Variants in TRAPPC9 observed in about 807,000 individuals in gnomAD.
The protein encoded by TRAPPC9 is trafficking protein particle complex subunit 9.
A neutral mutation model predicts 124.0 loss-of-function variants in TRAPPC9; 83 were observed. That is an observed-to-expected ratio of 0.67 (90% CI 0.56 to 0.80). TRAPPC9 has a LOEUF of 0.80. Ranked by LOEUF, TRAPPC9 falls within the 30% of genes least tolerant of loss-of-function variation. The pLI, the probability that TRAPPC9 is intolerant of heterozygous loss-of-function variation, is 0.00. For missense variants in TRAPPC9, 1,302 were observed against 1,508.3 expected (o/e 0.86, Z 2.27); for synonymous variants, 638 against 617.5 (o/e 1.03, Z -0.49).
At chr8:139,809,834 A>G (rs1175917419) in intron 21 of TRAPPC9, among the ~76,000 whole-genome samples, 1 of 152,072 alleles carries the variant, frequency 6.6e-6, no homozygotes, top group African/African-American at 2.4e-5. Flanking sequence ...CAGATACCCC[A>G]CATGCCAGCC....
At chr8:139,957,902 C>T (rs990747795) in intron 19 of TRAPPC9, among the ~76,000 whole-genome samples, 10 of 152,358 alleles carry the variant, frequency 6.6e-5, no homozygotes, top group African/African-American at 2.2e-4. Flanking sequence ...AAACTGACGT[C>T]GTTTCTGTTC....
chr8:140,419,660 G>T (rs2070125627), intron 5 of TRAPPC9, among the ~76,000 whole-genome samples: 1 of 151,128 alleles, frequency 6.6e-6, no homozygotes, highest in African/African-American at 2.4e-5. Context: ...CCGAGGCAAG[G>T]AGATCACGAG....
chr8:140,254,702 C>T (rs933519104), intron 15 of TRAPPC9, among the ~76,000 whole-genome samples: 1 of 152,226 alleles, frequency 6.6e-6, no homozygotes, highest in Admixed American at 6.5e-5. Context: ...CCCACTATCC[C>T]CTTTCTGGGA....
At chr8:140,242,886 G>A (rs944991286) in intron 16 of TRAPPC9, among the ~76,000 whole-genome samples, 4 of 152,170 alleles carry the variant, frequency 2.6e-5, no homozygotes, top group South Asian at 2.1e-4. Context: ...TGGCAACCAC[G>A]GAGGGGGAGG....
intron 18 of TRAPPC9, among the ~76,000 whole-genome samples, chr8:140,011,541 G>A (rs1465492251): frequency 1.3e-4 from 15 of 118,490 alleles, no homozygotes; most frequent in African/African-American, 2.4e-4. Flanking sequence ...GTCTCACTCC[G>A]TCACCAGGCT....
At chr8:140,159,056 C>T (rs2061701923) in intron 17 of TRAPPC9, among the ~76,000 whole-genome samples, 1 of 152,174 alleles carries the variant, frequency 6.6e-6, no homozygotes, top group Admixed American at 6.5e-5. Context: ...GGCGGAAGTT[C>T]CCTGCCAGGG....
At chr8:140,361,994 T>C (rs2067968870) in intron 8 of TRAPPC9, among the ~76,000 whole-genome samples, 1 of 152,186 alleles carries the variant, frequency 6.6e-6, no homozygotes, top group East Asian at 1.9e-4. Context: ...TCACAGCCCT[T>C]CCTGAGCTCT....
intron 5 of TRAPPC9, among the ~76,000 whole-genome samples, chr8:140,422,283 C>T (rs541258678): frequency 3.3e-5 from 5 of 151,444 alleles, no homozygotes; most frequent in African/African-American, 1.2e-4. Flanking sequence ...CACCTTAAGT[C>T]GTAGATATGA....
intron 10 of TRAPPC9, among the ~76,000 whole-genome samples, chr8:140,304,398 AT>A (rs1025898432): frequency 4.0e-5 from 6 of 150,422 alleles, no homozygotes; most frequent in African/African-American, 2.4e-5. Flanking sequence ...CCCAGCCCCA[AT>A]TTTTTTTTTA....
intron 21 of TRAPPC9, among the ~76,000 whole-genome samples, chr8:139,865,732 G>A (rs10100166): frequency 0.02 from 3,017 of 152,232 alleles, 90 homozygotes; most frequent in African/African-American, 0.069. Context: ...GTCCAGGGAG[G>A]GGGAGGAAGG....
At chr8:139,974,042 C>T (rs890986058) in intron 19 of TRAPPC9, among the ~76,000 whole-genome samples, 3 of 152,188 alleles carry the variant, frequency 2.0e-5, no homozygotes, top group African/African-American at 7.2e-5. Context: ...CCATCCCTGC[C>T]GCCCAAGCCT....
chr8:140,284,213 G>A (rs1426552214), intron 13 of TRAPPC9, among the ~76,000 whole-genome samples, 192 bp from the exon 14 acceptor site: 1 of 152,228 alleles, frequency 6.6e-6, no homozygotes, highest in African/African-American at 2.4e-5. Context: ...ACGTGATGGG[G>A]AGGATAACAG....
intron 17 of TRAPPC9, among the ~76,000 whole-genome samples, chr8:140,181,866 G>A (rs2062212748): frequency 6.6e-6 from 1 of 152,074 alleles, no homozygotes; most frequent in Non-Finnish European, 1.5e-5. Context: ...ATGTCTCTGT[G>A]GCCAGAGAAG....
At chr8:140,427,558 T>C (rs532384349) in intron 4 of TRAPPC9, among the ~76,000 whole-genome samples, 1 of 152,298 alleles carries the variant, frequency 6.6e-6, no homozygotes, top group South Asian at 2.1e-4. Context: ...TACCCAAACA[T>C]CTGTGTGATC....
At chr8:140,259,531 G>C (rs1311363383) in intron 15 of TRAPPC9, among the ~76,000 whole-genome samples, 2 of 152,214 alleles carry the variant, frequency 1.3e-5, no homozygotes, top group Non-Finnish European at 2.9e-5. Context: ...AAAGTTCTGT[G>C]TATCTTAGTT....
intron 21 of TRAPPC9, among the ~76,000 whole-genome samples, chr8:139,876,403 C>T (rs1054487056): frequency 6.6e-6 from 1 of 152,214 alleles, no homozygotes; most frequent in East Asian, 1.9e-4. Context: ...GAGCCACATC[C>T]TCATGCGTAC....
At chr8:140,336,696 T>C (rs2067051230) in intron 9 of TRAPPC9, among the ~76,000 whole-genome samples, 1 of 152,214 alleles carries the variant, frequency 6.6e-6, no homozygotes. Context: ...AATTACATTC[T>C]GACATTTTCT....
chr8:140,285,336 C>T (rs1223891103), intron 13 of TRAPPC9, among the ~76,000 whole-genome samples: 4 of 152,208 alleles, frequency 2.6e-5, no homozygotes, highest in Admixed American at 2.6e-4. Context: ...TGCCAGGCCA[C>T]GGCTATGGGC....
intron 16 of TRAPPC9, among the ~76,000 whole-genome samples, chr8:140,239,641 A>G (rs971529767): frequency 1.3e-5 from 2 of 152,140 alleles, no homozygotes; most frequent in African/African-American, 4.8e-5. Flanking sequence ...CTGGACACCT[A>G]CACCAACACA....
Sources: allele counts gnomAD v4.1 joint callset (sites outside exome capture counted in the v4.1 genomes callset), GRCh38; gene constraint gnomAD v4.1.1; transcripts MANE v1.5; gene names NCBI Gene and HGNC (gene_info 2026-07-23, HGNC 2026-07-21).